ANKIB1: variants seen among roughly 807,000 people sequenced by gnomAD.
ANKIB1 encodes ankyrin repeat and IBR domain-containing protein 1.
Under a neutral mutation model 122.1 loss-of-function variants are expected in ANKIB1, and 43 were observed. The observed-to-expected ratio is 0.35, with a 90% CI of 0.28 to 0.45. ANKIB1 has a LOEUF of 0.45. ANKIB1 is among the 20% of genes least tolerant of loss of function. ANKIB1 has a pLI of 1.00. For synonymous variants in ANKIB1, 390 were observed against 442.0 expected (o/e 0.88, Z 1.48); for missense variants, 992 against 1,329.5 (o/e 0.75, Z 3.95).
intron 9 of ANKIB1, among the ~76,000 whole-genome samples, chr7:92,357,659 C>T (rs961612931): frequency 1.4e-5 from 2 of 146,966 alleles, no homozygotes; most frequent in African/African-American, 2.5e-5. Context: ...GGCTTGAGCT[C>T]AGGAGGTGGA....
rs1248082090 is a variant in ANKIB1, at chr7:92,249,471, A to C, written c.-91+2952A>C. Among the ~76,000 whole-genome samples the C allele has an allele frequency of 5.3e-5, 8 of 152,308 alleles. No individual in the cohort carries two copies. The East Asian group carries it at 9.6e-4, about 18-fold the overall frequency. ...TGCTGTGGCTCACGCCTGTAATCCC[A>C]GCACTTTGGGAGGCCGAGGTGGACA... is the stretch of plus-strand genomic sequence containing the variant. On this transcript the variant is annotated intron_variant, in intron 1 of 19. Transcript: ENST00000265742.
chr7:92,387,586 A>G (rs1045980856), intron 12 of ANKIB1, among the ~76,000 whole-genome samples: 1 of 152,062 alleles, frequency 6.6e-6, no homozygotes, highest in African/African-American at 2.4e-5. Context: ...GTGTGAGCTC[A>G]GATTGCACCA....
intron 10 of ANKIB1, among the ~76,000 whole-genome samples, chr7:92,365,328 T>G (rs1484934868): frequency 1.3e-5 from 2 of 152,216 alleles, no homozygotes; most frequent in East Asian, 3.8e-4. Context: ...GAATTGATGC[T>G]CAAGCTGCAT....
rs555990488 is a variant in ANKIB1 at position 92,322,815 on chromosome 7, A to T, written c.669+3303A>T. Among the ~76,000 whole-genome samples the T allele has an allele frequency of 2.1e-4, 32 of 152,176 alleles. No individual in the cohort carries two copies. The South Asian group carries it at 2.5e-3, about 12-fold the overall frequency. ...TATTTGTCTGATATATATCTTCTTT[A>T]TCCAATTGTGCCATTATTGTAGTTA... On this transcript the variant is annotated intron_variant, in intron 4 of 19. Coordinates refer to ENST00000265742, the MANE Select transcript of ANKIB1 (RefSeq NM_019004.2).
chr7:92,353,964 A>G (rs1033852454), intron 9 of ANKIB1, among the ~76,000 whole-genome samples: 2 of 152,216 alleles, frequency 1.3e-5, no homozygotes, highest in Non-Finnish European at 1.5e-5. Flanking sequence ...AAAGATAAAA[A>G]GATTAGCTTT....
intron 2 of ANKIB1, among the ~76,000 whole-genome samples, chr7:92,296,768 A>G (rs1802365544): frequency 6.6e-6 from 1 of 152,162 alleles, no homozygotes. Flanking sequence ...GAAGTTCTAT[A>G]AAATCATTAC....
intron 1 of ANKIB1, among the ~76,000 whole-genome samples, chr7:92,247,060 C>A (rs1024961515): frequency 1.3e-5 from 2 of 152,138 alleles, no homozygotes; most frequent in African/African-American, 4.8e-5. Flanking sequence ...TTTTTCTGTA[C>A]GTAGCTGTTT....
intron 9 of ANKIB1, among the ~76,000 whole-genome samples, chr7:92,358,476 A>G (rs1803872830): frequency 6.6e-6 from 1 of 151,894 alleles, no homozygotes; most frequent in African/African-American, 2.4e-5. Flanking sequence ...TTGCTATTTA[A>G]TACAACACAG....
At chr7:92,365,788 CTTTTTTTTTTTTTTTTT>C (rs59131137) in intron 10 of ANKIB1, among the ~76,000 whole-genome samples, 2 of 58,298 alleles carry the variant, frequency 3.4e-5, no homozygotes, top group Non-Finnish European at 6.0e-5. Flanking sequence ...ATTAAATAAT[CTTTTTTTTTTTTTTTTT>C]TTTTTTTTTT....
intron 1 of ANKIB1, among the ~76,000 whole-genome samples, chr7:92,252,684 C>CT (rs1297738197): frequency 1.3e-5 from 2 of 152,000 alleles, no homozygotes; most frequent in Non-Finnish European, 2.9e-5. Flanking sequence ...ATTTATTTTG[C>CT]TTTTTAAGGT....
rs34265787 is a variant in ANKIB1, at chr7:92,297,666, GTT to G, written c.188+2510_188+2511del. Among the ~76,000 whole-genome samples, 22 of 146,212 alleles carry G rather than the reference GTT, an allele frequency of 1.5e-4. No homozygotes were observed. The South Asian group carries it at 4.8e-3, about 32-fold the overall frequency. On this transcript the variant is annotated intron_variant, in intron 2 of 19. Transcript: ENST00000265742. ...CTTAAAAGTATCTGGCATCTAAATG[GTT>G]TTTTTTTTTACAAGTCTCTTCTTAT...
intron 9 of ANKIB1, among the ~76,000 whole-genome samples, chr7:92,358,148 A>G (rs1803863470): frequency 6.6e-6 from 1 of 152,174 alleles, no homozygotes; most frequent in South Asian, 2.1e-4. Context: ...AGGCTGAGGC[A>G]GGAGAATCAC....
At chr7:92,389,109 G>A (rs1050675759) in intron 14 of ANKIB1, among the ~76,000 whole-genome samples, 1 of 152,028 alleles carries the variant, frequency 6.6e-6, no homozygotes, top group Non-Finnish European at 1.5e-5. Flanking sequence ...ACATTCTGGA[G>A]GTTCCAGGCA....
intron 10 of ANKIB1, among the ~76,000 whole-genome samples, chr7:92,363,586 G>A (rs1371957541): frequency 6.6e-6 from 1 of 152,232 alleles, no homozygotes; most frequent in Non-Finnish European, 1.5e-5. Flanking sequence ...CAGGTTGGGG[G>A]AAGAAAGGGT....
In ANKIB1 at chr7:92,343,376, A is replaced by G. The variant is rs192254997; in HGVS notation, c.996+144A>G. On this transcript the variant is annotated intron_variant, in intron 6 of 19. Transcript: ENST00000265742. ...TTTCTTGAAAGGTTCGGTTATTTCC[A>G]TGCTTCAGTAAATATTTATTATTAC... 439 of 668,520 alleles carry G rather than the reference A, an allele frequency of 6.6e-4. 2 individuals are homozygous for G. The African/African-American group carries it at 6.7e-3, about 10-fold the overall frequency. The allele number at this position is 668,520 out of a possible 1,614,324, so 41.4% of individuals were successfully genotyped here. A position where few individuals can be genotyped will look rare whatever the true frequency, so the allele number is the denominator to read the frequency against.
At chr7:92,298,730 A>G (rs1435454416) in intron 2 of ANKIB1, among the ~76,000 whole-genome samples, 1 of 150,004 alleles carries the variant, frequency 6.7e-6, no homozygotes, top group African/African-American at 2.4e-5. Context: ...AAACTGTATT[A>G]GTAATCATTG....
intron 2 of ANKIB1, among the ~76,000 whole-genome samples, chr7:92,300,300 A>G (rs1406195060): frequency 2.0e-5 from 3 of 152,196 alleles, no homozygotes; most frequent in Admixed American, 2.0e-4. Flanking sequence ...GATTATTTTT[A>G]TGATACTTAA....
Position 92,398,501 on chromosome 7 carries a change from C to T in ANKIB1, c.2822C>T (p.Pro941Leu). 1 of 1,613,982 alleles carries T rather than the reference C, an allele frequency of 6.2e-7. No homozygotes were observed. The highest frequency in any genetic ancestry group is 1.3e-5 in the African/African-American group (1 of 75,064). Reference sequence around the variant, plus strand: ...TCAACTGACACCCTGAGCTCACACCCTCTCAGTGAGGCAAGAAGTGATTTC... The same window carrying T: ...TCAACTGACACCCTGAGCTCACACCTTCTCAGTGAGGCAAGAAGTGATTTC... ...PFSTDTLSSH[P>L]LSEARSDFCP... Residue 941 changes from proline (P) to leucine (L), a missense_variant, in exon 20 of 20, where the codon CCT becomes CTT. By Grantham distance (98) the Pro-to-Leu change is moderately conservative (BLOSUM62 -3). This residue lies in a region of ANKIB1 where 384 missense variants were observed against 412.0 expected (regional missense o/e 0.93). Transcript: ENST00000265742.
At chr7:92,386,221 C>G (rs1804647071) in intron 11 of ANKIB1, among the ~76,000 whole-genome samples, 1 of 152,100 alleles carries the variant, frequency 6.6e-6, no homozygotes, top group Non-Finnish European at 1.5e-5. Context: ...GAAACACTTT[C>G]CAAAGATATT....
Sources: allele counts gnomAD v4.1 joint callset (sites outside exome capture counted in the v4.1 genomes callset), GRCh38; gene constraint gnomAD v4.1.1; regional missense constraint gnomAD v4.1.1; transcripts MANE v1.5; gene names NCBI Gene and HGNC (gene_info 2026-07-23, HGNC 2026-07-21).